SVEP1: variants seen among roughly 807,000 people sequenced by gnomAD.
SVEP1 encodes sushi, von Willebrand factor type A, EGF and pentraxin domain-containing protein 1.
SVEP1 carries 164 observed loss-of-function variants against 367.3 expected under a neutral mutation model. The ratio of observed to expected loss-of-function variants is 0.45; its 90% CI spans 0.39 to 0.51. The LOEUF (loss-of-function observed/expected upper bound fraction) is 0.51. SVEP1 is among the 20% of genes least tolerant of loss of function. SVEP1 has a pLI of 0.00. For missense variants in SVEP1, 4,117 were observed against 4,425.3 expected (o/e 0.93, Z 1.98); for synonymous variants, 1,666 against 1,611.6 (o/e 1.03, Z -0.81).
intron 22 of SVEP1, among the ~76,000 whole-genome samples, chr9:110,452,507 C>T (rs895065733): frequency 2.6e-5 from 4 of 152,234 alleles, no homozygotes; most frequent in African/African-American, 9.6e-5. Flanking sequence ...GAGGAAAGAG[C>T]ATGAGAAAGA....
At chr9:110,568,607 A>G (rs1830518472) in intron 1 of SVEP1, among the ~76,000 whole-genome samples, 1 of 152,164 alleles carries the variant, frequency 6.6e-6, no homozygotes, top group Admixed American at 6.5e-5. Context: ...AAGAAGGGAA[A>G]ATGCTTGGTG....
chr9:110,400,877 A>G lies in SVEP1; in HGVS notation c.9799T>C (p.Cys3267Arg). 1.2e-6 allele frequency: 2 copies of G among 1,613,748 alleles called. No individual in the cohort carries two copies. The highest frequency in any genetic ancestry group is 1.7e-6 in the Non-Finnish European group (2 of 1,179,790). The change falls in exon 40 of 48, where the codon TGT (cysteine) becomes CGT (arginine). Residue 3267 changes from cysteine (C) to arginine (R), a missense_variant. By Grantham distance (180) the Cys-to-Arg change is radical. Coordinates refer to ENST00000374469, the MANE Select transcript of SVEP1 (RefSeq NM_153366.4). ...ACCTCTAGTTCATAGCCAGGCTCAC[A>G]CTGATAAATAATTGTGCTTTCAAAG... ...YTFESTIIYQ[C>R]EPGYELEGNR...
chr9:110,521,758 G>A (rs1398827720), intron 3 of SVEP1, among the ~76,000 whole-genome samples: 1 of 152,156 alleles, frequency 6.6e-6, no homozygotes, highest in Non-Finnish European at 1.5e-5. Context: ...TCATTGGCAA[G>A]TACTTTTAGG....
At chr9:110,423,168 T>TAAAAAAAAAAAAAAAAAAAAAAAAAA in intron 36 of SVEP1, among the ~76,000 whole-genome samples, 3 of 103,634 alleles carry the variant, frequency 2.9e-5, no homozygotes, top group East Asian at 2.5e-4. Context: ...AAAAATAAAG[T>TAAAAAAAAAAAAAAAAAAAAAAAAAA]AAAAAAAAAA....
At chr9:110,416,875 T>C (rs902576678) in intron 36 of SVEP1, among the ~76,000 whole-genome samples, 1 of 152,074 alleles carries the variant, frequency 6.6e-6, no homozygotes, top group African/African-American at 2.4e-5. Flanking sequence ...CTGTACATTG[T>C]AGGATATTTA....
chr9:110,512,703 T>A (rs1296291550), intron 5 of SVEP1: 1 of 583,456 alleles, frequency 1.7e-6, no homozygotes. Flanking sequence ...GCAAACTTTT[T>A]CTTTGCTTGT....
chr9:110,432,042 GA>G lies in SVEP1; in HGVS notation c.5234-9del. On this transcript the variant is annotated splice_polypyrimidine_tract_variant and intron_variant, in intron 31 of 47. Coordinates refer to ENST00000374469, the MANE Select transcript of SVEP1 (RefSeq NM_153366.4). ...CTGCACACTCATCGACATCTAAAAT[GA>G]AGACAGCTTATAAATATTAAAGTTG... The G allele has an allele frequency of 6.3e-7, 1 of 1,589,714 alleles. No individual in the cohort carries two copies. Among genetic ancestry groups the G allele is most frequent in the Non-Finnish European group, 8.5e-7 (1 of 1,171,054 alleles).
intron 27 of SVEP1, among the ~76,000 whole-genome samples, chr9:110,440,333 C>A (rs1828494578): frequency 6.6e-6 from 1 of 152,168 alleles, no homozygotes; most frequent in Non-Finnish European, 1.5e-5. Context: ...TTCATGGCTC[C>A]CTGCCTCTGC....
chr9:110,579,712 C>A lies in SVEP1; in HGVS notation c.-169G>T, dbSNP rs1320733500. The A allele has an allele frequency of 3.9e-6, 3 of 762,862 alleles. No individual in the cohort carries two copies. Among genetic ancestry groups the A allele is most frequent in the Non-Finnish European group, 5.8e-6 (3 of 519,858 alleles). The allele number at this position is 762,862 out of a possible 1,614,324, so 47.3% of individuals were successfully genotyped here. On this transcript the variant is annotated 5_prime_UTR_variant, in exon 1 of 48. Transcript: ENST00000374469. The surrounding 1 kb of genome is among the most constrained non-coding windows in gnomAD (Gnocchi z 5.3). ...ACTGGGGACAGACACAATCCAGACTCCTCAGCAGCTCGGGAACTCCGGAGG... is the reference window on the plus strand; with the variant it reads ...ACTGGGGACAGACACAATCCAGACTACTCAGCAGCTCGGGAACTCCGGAGG...
chr9:110,486,492 A>C (rs1044278904), intron 9 of SVEP1, among the ~76,000 whole-genome samples: 8 of 152,144 alleles, frequency 5.3e-5, no homozygotes, highest in Non-Finnish European at 1.2e-4. Context: ...AACACCCTGA[A>C]GAAAATAAGA....
rs564866978 is a variant in SVEP1 at position 110,463,490 on chromosome 9, A to G, written c.3322+2375T>C. Among the ~76,000 whole-genome samples, 116 of 152,196 alleles carry G rather than the reference A, an allele frequency of 7.6e-4. 1 individual carries two copies. The South Asian group carries it at 7.7e-3, about 10-fold the overall frequency. ...CAAAAGCAATGTCTTAGCACAAAAT[A>G]AAACAGTACACTATAAAAATAAATC... On this transcript the variant is annotated intron_variant, in intron 18 of 47. Coordinates refer to ENST00000374469, the MANE Select transcript of SVEP1 (RefSeq NM_153366.4).
chr9:110,533,534 G>A (rs901902403), intron 3 of SVEP1, among the ~76,000 whole-genome samples: 1 of 151,972 alleles, frequency 6.6e-6, no homozygotes, highest in African/African-American at 2.4e-5. Flanking sequence ...GAGCATCCTT[G>A]AATTTTACTA....
intron 39 of SVEP1, among the ~76,000 whole-genome samples, chr9:110,401,567 A>G (rs1327154138): frequency 6.7e-6 from 1 of 150,142 alleles, no homozygotes; most frequent in Non-Finnish European, 1.5e-5. Flanking sequence ...CTATAAAGAA[A>G]TCAATAATGA....
intron 3 of SVEP1, among the ~76,000 whole-genome samples, chr9:110,520,235 T>C (rs151331331): frequency 2.0e-5 from 3 of 152,270 alleles, no homozygotes; most frequent in East Asian, 1.9e-4. Context: ...TGCACAATTC[T>C]AGTGGGAGAG....
At chr9:110,578,986 C>T (rs1344638779) in intron 1 of SVEP1, 27 bp downstream of exon 1, 5 of 1,543,760 alleles carry the variant, frequency 3.2e-6, no homozygotes, top group Non-Finnish European at 3.5e-6. Flanking sequence ...GGACTAGGGC[C>T]CGGGTCGGGA....
chr9:110,551,127 C>T (rs1041449564), intron 1 of SVEP1, among the ~76,000 whole-genome samples: 2 of 152,146 alleles, frequency 1.3e-5, no homozygotes, highest in Non-Finnish European at 2.9e-5. Context: ...ACATGTTTTT[C>T]AGAAGGTAGG....
Position 110,407,981 on chromosome 9 carries a change from T to TCTAAACAGGTCAAGGC in SVEP1, c.7603_7618dup (p.Glu2540GlyfsTer9). On this transcript the variant is annotated frameshift_variant, in exon 38 of 48. Coordinates refer to ENST00000374469, the MANE Select transcript of SVEP1 (RefSeq NM_153366.4). LOFTEE classifies it high-confidence loss of function. ...GGCATCTACATCCCAATCACCTGTC[T>TCTAAACAGGTCAAGGC]CTAAACAGGTCAAGGCACTGGGACC... 6.2e-7 allele frequency: 1 copy of TCTAAACAGGTCAAGGC among 1,613,984 alleles called. No individual in the cohort carries two copies. The highest frequency in any genetic ancestry group is 8.5e-7 in the Non-Finnish European group (1 of 1,179,894).
intron 43 of SVEP1, among the ~76,000 whole-genome samples, chr9:110,383,528 T>TG (rs535440131): frequency 0.058 from 3,751 of 64,168 alleles, 167 homozygotes; most frequent in African/African-American, 0.2. Flanking sequence ...ACCCCTGTTG[T>TG]GGGGGGGTCT....
chr9:110,572,446 C>T (rs2118885675), intron 1 of SVEP1, among the ~76,000 whole-genome samples: 1 of 152,260 alleles, frequency 6.6e-6, no homozygotes, highest in African/African-American at 2.4e-5. Flanking sequence ...GGTACACATT[C>T]TTATTACATA....
Sources: gnomAD v4.1 joint callset for allele counts (sites outside exome capture counted in the v4.1 genomes callset) on GRCh38, gnomAD v4.1.1 for gene constraint, Gnocchi (gnomAD v3.1) non-coding constraint, MANE v1.5 for transcripts, NCBI Gene and HGNC (gene_info 2026-07-23, HGNC 2026-07-21) for gene names.